The following CAMKMT variants were observed in gnomAD, a reference collection of about 807,000 sequenced individuals.
CAMKMT encodes the protein calmodulin-lysine N-methyltransferase, also known as CaM KMT.
In CAMKMT, 53 loss-of-function variants were observed where a neutral mutation model predicts 48.0. That is an observed-to-expected ratio of 1.10 (90% CI 0.89 to 1.39). The LOEUF is 1.39. Among genes scored for constraint, CAMKMT ranks in the 40% most tolerant of loss-of-function variants. The probability of loss-of-function intolerance (pLI) is 0.00; values close to 1 mark genes in which losing one functional copy is unlikely to be tolerated. For missense variants in CAMKMT, 428 were observed against 402.7 expected (o/e 1.06, Z -0.54); for synonymous variants, 165 against 152.3 (o/e 1.08, Z -0.61).
At chr2:44,587,950 T>G in intron 3 of CAMKMT, among the ~76,000 whole-genome samples, 1 of 114,500 alleles carries the variant, frequency 8.7e-6, no homozygotes, top group African/African-American at 3.2e-5. Context: ...TCGTCTGGGA[T>G]ATGAGGAGCC....
intron 3 of CAMKMT, among the ~76,000 whole-genome samples, chr2:44,631,224 A>C (rs1379597183): frequency 6.6e-6 from 1 of 152,140 alleles, no homozygotes; most frequent in Non-Finnish European, 1.5e-5. Flanking sequence ...AGGAAGGGGA[A>C]CATCACACTC....
chr2:44,452,518 A>G (rs1228781373), intron 3 of CAMKMT, among the ~76,000 whole-genome samples: 1 of 152,052 alleles, frequency 6.6e-6, no homozygotes, highest in East Asian at 1.9e-4. Flanking sequence ...AAAGAAATAG[A>G]TATTAAACAC....
chr2:44,581,826 C>G (rs1226064780), intron 3 of CAMKMT, among the ~76,000 whole-genome samples: 1 of 151,968 alleles, frequency 6.6e-6, no homozygotes, highest in Non-Finnish European at 1.5e-5. Context: ...TGGTGAAACC[C>G]CATCTCTACT....
rs550312277 is a variant in CAMKMT, at chr2:44,490,835, C to T, written c.376+100530C>T. Among the ~76,000 whole-genome samples the T allele has an allele frequency of 9.9e-4, 151 of 152,056 alleles. 1 individual carries two copies. The highest frequency in any genetic ancestry group is 6.2e-4 in the Non-Finnish European group (42 of 67,952). On this transcript the variant is annotated intron_variant, in intron 3 of 10. Coordinates refer to ENST00000378494, the MANE Select transcript of CAMKMT (RefSeq NM_024766.5). Reference sequence around the variant, plus strand: ...GAGAAAAAGGAAGAGAAGAAAACAGCAATGAAGTCATTTAGGAATGATAAG... The same window carrying T: ...GAGAAAAAGGAAGAGAAGAAAACAGTAATGAAGTCATTTAGGAATGATAAG...
At chr2:44,448,226 C>T (rs201945644) in intron 3 of CAMKMT, among the ~76,000 whole-genome samples, 32 of 152,150 alleles carry the variant, frequency 2.1e-4, no homozygotes, top group African/African-American at 4.1e-4. Flanking sequence ...CTGCTCCTTA[C>T]GCACGGGTTT....
At chr2:44,650,279 C>T (rs961571909) in intron 3 of CAMKMT, among the ~76,000 whole-genome samples, 2 of 152,162 alleles carry the variant, frequency 1.3e-5, no homozygotes, top group African/African-American at 4.8e-5. Flanking sequence ...CCTTTGTCGT[C>T]ACCTGGTGCT....
At chr2:44,738,338 T>A (rs1418293009) in intron 7 of CAMKMT, among the ~76,000 whole-genome samples, 3 of 152,264 alleles carry the variant, frequency 2.0e-5, no homozygotes, top group Admixed American at 6.5e-5. Context: ...TTGTTTTATA[T>A]GTTTTGTGTA....
chr2:44,421,024 C>G (rs965690114), intron 3 of CAMKMT, among the ~76,000 whole-genome samples: 30 of 151,880 alleles, frequency 2.0e-4, no homozygotes, highest in African/African-American at 7.0e-4. Context: ...TATATATTTC[C>G]TTTGAATATT....
intron 3 of CAMKMT, among the ~76,000 whole-genome samples, chr2:44,406,594 CATTAA>C (rs1386747422): frequency 1.3e-5 from 2 of 151,926 alleles, no homozygotes; most frequent in African/African-American, 4.8e-5. Context: ...TGTTTATTAA[CATTAA>C]ATTATTATTA....
chr2:44,542,460 C>A (rs1013581770), intron 3 of CAMKMT, among the ~76,000 whole-genome samples: 2 of 150,808 alleles, frequency 1.3e-5, no homozygotes, highest in East Asian at 3.9e-4. Flanking sequence ...ACTCAAGTTG[C>A]TTAGAGTCTA....
At chr2:44,454,907 C>T (rs1033243656) in intron 3 of CAMKMT, among the ~76,000 whole-genome samples, 2 of 152,132 alleles carry the variant, frequency 1.3e-5, no homozygotes, top group African/African-American at 4.8e-5. Context: ...CAGCTTACTT[C>T]TAGCAACAGT....
intron 3 of CAMKMT, among the ~76,000 whole-genome samples, chr2:44,412,998 C>G (rs1167372955): frequency 6.6e-6 from 1 of 151,800 alleles, no homozygotes; most frequent in Admixed American, 6.6e-5. Context: ...ATGGCTTGAA[C>G]CCGGGAAGCA....
At chr2:44,702,966 T>C (rs1677337645) in intron 3 of CAMKMT, among the ~76,000 whole-genome samples, 1 of 152,218 alleles carries the variant, frequency 6.6e-6, no homozygotes, top group Non-Finnish European at 1.5e-5. Context: ...CTTTTGTAGA[T>C]GTTTCAACCT....
At chr2:44,529,579 G>A (rs370666018) in intron 3 of CAMKMT, among the ~76,000 whole-genome samples, 1 of 152,206 alleles carries the variant, frequency 6.6e-6, no homozygotes, top group East Asian at 1.9e-4. Context: ...TTGGGCTAGG[G>A]TTGCTTCTGA....
chr2:44,392,902 G>C lies in CAMKMT; in HGVS notation c.376+2597G>C, dbSNP rs149002301. 2.4e-3 allele frequency among the ~76,000 whole-genome samples: 361 copies of C among 152,118 alleles called. 1 individual carries two copies. Among genetic ancestry groups the C allele is most frequent in the African/African-American group, 8.4e-3 (347 of 41,530 alleles). ...AGAATGAGGAAAAAAGTTTCTAATAGATGAGAGAACCAAGAGATGGAATTA... is the reference window on the plus strand; with the variant it reads ...AGAATGAGGAAAAAAGTTTCTAATACATGAGAGAACCAAGAGATGGAATTA... On this transcript the variant is annotated intron_variant, in intron 3 of 10. Transcript: ENST00000378494.
intron 3 of CAMKMT, among the ~76,000 whole-genome samples, chr2:44,415,957 G>A (rs1414923024): frequency 3.3e-5 from 5 of 152,176 alleles, no homozygotes; most frequent in Non-Finnish European, 7.4e-5. Flanking sequence ...GCACGTAATA[G>A]TTTAGTAAAT....
chr2:44,481,089 A>C (rs1244278113), intron 3 of CAMKMT, among the ~76,000 whole-genome samples: 1 of 152,084 alleles, frequency 6.6e-6, no homozygotes, highest in Non-Finnish European at 1.5e-5. Context: ...TATTAGTGTC[A>C]CATATGATTC....
chr2:44,368,943 A>C (rs1678893707), intron 1 of CAMKMT, among the ~76,000 whole-genome samples: 1 of 152,102 alleles, frequency 6.6e-6, no homozygotes, highest in South Asian at 2.1e-4. Flanking sequence ...AGTCTGGCTC[A>C]AACAATTCTC....
At chr2:44,765,531 T>TTA (rs1491350710) in intron 9 of CAMKMT, among the ~76,000 whole-genome samples, 93 of 132,228 alleles carry the variant, frequency 7.0e-4, no homozygotes, top group East Asian at 3.2e-3. Flanking sequence ...TTTTTTTTTT[T>TTA]AAAAAAAAAA....
Sources: allele counts gnomAD v4.1 joint callset (sites outside exome capture counted in the v4.1 genomes callset), GRCh38; gene constraint gnomAD v4.1.1; transcripts MANE v1.5; gene names NCBI Gene and HGNC (gene_info 2026-07-23, HGNC 2026-07-21).